The following ALCAM variants were observed in gnomAD, a reference collection of about 807,000 sequenced individuals.
ALCAM encodes CD166 antigen.
Under a neutral mutation model 70.9 loss-of-function variants are expected in ALCAM, and 30 were observed. That is an observed-to-expected ratio of 0.42 (90% CI 0.32 to 0.57). The LOEUF is 0.57. ALCAM is among the 20% of genes least tolerant of loss of function. The probability of loss-of-function intolerance (pLI) is 0.11; values close to 1 mark genes in which losing one functional copy is unlikely to be tolerated. For synonymous variants in ALCAM, 249 were observed against 242.5 expected, an observed-to-expected ratio of 1.03 and a Z score of -0.25; for missense variants, 591 against 695.1, an observed-to-expected ratio of 0.85 and a Z score of 1.68.
intron 4 of ALCAM, among the ~76,000 whole-genome samples, chr3:105,532,554 A>G (rs534583816): frequency 6.6e-6 from 1 of 152,276 alleles, no homozygotes; most frequent in South Asian, 2.1e-4. Context: ...AGCTGCAGTG[A>G]GCCATGTTTG....
At chr3:105,474,222 A>G (rs1938029847) in intron 1 of ALCAM, among the ~76,000 whole-genome samples, 1 of 151,740 alleles carries the variant, frequency 6.6e-6, no homozygotes, top group African/African-American at 2.4e-5. Flanking sequence ...CTGTTCTGTT[A>G]CTTGCCCTCC....
rs531950674 is a variant in ALCAM, at chr3:105,401,317, C to T, written c.73+33836C>T. Reference sequence around the variant, plus strand: ...TTTGAAAGATCACCACTGAATCTTACGAATTTTGCTGACTCCTATACACAA... The same window carrying T: ...TTTGAAAGATCACCACTGAATCTTATGAATTTTGCTGACTCCTATACACAA... On this transcript the variant is annotated intron_variant, in intron 1 of 15. Coordinates refer to ENST00000306107, the MANE Select transcript of ALCAM (RefSeq NM_001627.4). 4.6e-5 allele frequency among the ~76,000 whole-genome samples: 7 copies of T among 152,324 alleles called. No homozygotes were observed. The South Asian group carries it at 8.3e-4, about 18-fold the overall frequency.
intron 9 of ALCAM, 84 bp downstream of exon 9, chr3:105,545,419 G>C: frequency 1.1e-6 from 1 of 906,736 alleles, no homozygotes; most frequent in South Asian, 1.4e-5. Context: ...TATTCAAGTA[G>C]GTATATTCAT....
At chr3:105,467,347 G>A (rs1031876006) in intron 1 of ALCAM, among the ~76,000 whole-genome samples, 11 of 151,076 alleles carry the variant, frequency 7.3e-5, no homozygotes, top group Admixed American at 2.6e-4. Context: ...TTACACAAAG[G>A]ATGATATTTT....
intron 1 of ALCAM, among the ~76,000 whole-genome samples, chr3:105,515,986 G>A (rs1939369924): frequency 6.6e-6 from 1 of 151,988 alleles, no homozygotes; most frequent in South Asian, 2.1e-4. Context: ...CATTGTAGTT[G>A]CAGTTAACCC....
chr3:105,543,846 C>G (rs1180081723), intron 8 of ALCAM, among the ~76,000 whole-genome samples: 2 of 151,706 alleles, frequency 1.3e-5, no homozygotes, highest in Non-Finnish European at 3.0e-5. Context: ...CTCCACTTTT[C>G]TACATGTTGG....
At chr3:105,444,788 C>T (rs1937257721) in intron 1 of ALCAM, among the ~76,000 whole-genome samples, 1 of 152,046 alleles carries the variant, frequency 6.6e-6, no homozygotes, top group Non-Finnish European at 1.5e-5. Context: ...TAAAGAAAAG[C>T]AGTCAATTAG....
intron 1 of ALCAM, among the ~76,000 whole-genome samples, chr3:105,483,221 T>G (rs935932937): frequency 1.3e-4 from 20 of 152,316 alleles, no homozygotes; most frequent in African/African-American, 4.6e-4. Flanking sequence ...GGGGAGAAGC[T>G]ATATCTTAGT....
rs114421720 is a variant in ALCAM, at chr3:105,415,954, A to G, written c.73+48473A>G. Among the ~76,000 whole-genome samples the G allele has an allele frequency of 7.1e-3, 1,074 of 152,152 alleles. 6 individuals carry two copies. Among genetic ancestry groups the G allele is most frequent in the African/African-American group, 0.024 (997 of 41,530 alleles). On this transcript the variant is annotated intron_variant, in intron 1 of 15. Coordinates refer to ENST00000306107, the MANE Select transcript of ALCAM (RefSeq NM_001627.4). ...AATTGACATTCTCCATTGTATCTCT[A>G]TAATTTAAGGCAACCAGGTATGACA...
intron 1 of ALCAM, among the ~76,000 whole-genome samples, chr3:105,465,071 A>G (rs1937676586): frequency 6.6e-6 from 1 of 151,636 alleles, no homozygotes; most frequent in Middle Eastern, 3.4e-3. Context: ...AATAAATGAG[A>G]AAAAATAGTA....
chr3:105,464,829 T>C (rs915105554), intron 1 of ALCAM, among the ~76,000 whole-genome samples: 3 of 151,392 alleles, frequency 2.0e-5, no homozygotes, highest in Non-Finnish European at 4.4e-5. Flanking sequence ...ATAATTTACA[T>C]AAAGATCTTA....
chr3:105,534,778 G>A lies in ALCAM; in HGVS notation c.663G>A (p.Ser221=), dbSNP rs111722123. Residue 221 remains serine, a synonymous_variant, in exon 6 of 16, where the codon TCG becomes TCA. Transcript: ENST00000306107. ...KADIQMPFTC[S]VTYYGPSGQK... The stretch of plus-strand genomic sequence containing the variant: ...ACATACAAATGCCATTCACCTGCTC[G>A]GTGACATATTATGGACCATCTGGCC... 2.5e-5 allele frequency: 40 copies of A among 1,613,544 alleles called. No homozygotes were observed. Among genetic ancestry groups the A allele is most frequent in the African/African-American group, 2.0e-4 (15 of 74,832 alleles).
chr3:105,395,721 T>A (rs1935934441), intron 1 of ALCAM, among the ~76,000 whole-genome samples: 1 of 151,978 alleles, frequency 6.6e-6, no homozygotes, highest in African/African-American at 2.4e-5. Flanking sequence ...AAGATATGCA[T>A]CTCTATAATG....
chr3:105,456,698 A>T (rs1249923055), intron 1 of ALCAM, among the ~76,000 whole-genome samples: 1 of 152,214 alleles, frequency 6.6e-6, no homozygotes, highest in Non-Finnish European at 1.5e-5. Flanking sequence ...TGGCTATGTT[A>T]TAAGCCCAAA....
intron 14 of ALCAM, among the ~76,000 whole-genome samples, chr3:105,570,933 G>A (rs578126991): frequency 6.6e-6 from 1 of 152,266 alleles, no homozygotes; most frequent in East Asian, 1.9e-4. Flanking sequence ...TGGATGCTGG[G>A]AGGAAAGGAA....
At chr3:105,573,391 T>A (rs1033087940) in intron 15 of ALCAM, among the ~76,000 whole-genome samples, 18 of 152,200 alleles carry the variant, frequency 1.2e-4, no homozygotes, top group African/African-American at 4.3e-4. Flanking sequence ...TGAGTGTATT[T>A]ATACAGCCAA....
chr3:105,571,746 TA>T, intron 14 of ALCAM, 105 bp from the exon 15 acceptor site: 1 of 864,222 alleles, frequency 1.2e-6, no homozygotes, highest in Non-Finnish European at 1.7e-6. Flanking sequence ...CGGTTTGCTG[TA>T]AAACATTTGC....
At chr3:105,406,755 GA>G (rs1256552075) in intron 1 of ALCAM, among the ~76,000 whole-genome samples, 7,060 of 141,044 alleles carry the variant, frequency 0.05, 231 homozygotes, top group African/African-American at 0.089. Flanking sequence ...AAAGATAAAT[GA>G]AAAAAAAAAA....
At chr3:105,407,794 G>A (rs1273283788) in intron 1 of ALCAM, among the ~76,000 whole-genome samples, 1 of 152,028 alleles carries the variant, frequency 6.6e-6, no homozygotes, top group Non-Finnish European at 1.5e-5. Flanking sequence ...TGATGATATG[G>A]TTATATATCT....
Sources: allele counts gnomAD v4.1 joint callset (sites outside exome capture counted in the v4.1 genomes callset), GRCh38; gene constraint gnomAD v4.1.1; transcripts MANE v1.5; gene names NCBI Gene and HGNC (gene_info 2026-07-23, HGNC 2026-07-21).